The following KCNK13 variants were observed in gnomAD, a reference collection of about 807,000 sequenced individuals.
KCNK13 encodes potassium channel subfamily K member 13.
KCNK13 carries 12 observed loss-of-function variants against 23.4 expected under a neutral mutation model. That is an observed-to-expected ratio of 0.51 (90% confidence interval 0.33 to 0.83). The LOEUF (loss-of-function observed/expected upper bound fraction) is 0.83, where lower values mean the gene tolerates loss of function less well. Among genes scored for constraint, KCNK13 ranks in the 40% least tolerant of loss-of-function variants. The probability of loss-of-function intolerance (pLI) is 0.02; values close to 1 mark genes in which losing one functional copy is unlikely to be tolerated. For synonymous variants in KCNK13, 231 were observed against 229.5 expected (o/e 1.01, Z -0.06); for missense variants, 463 against 556.3 (o/e 0.83, Z 1.69).
chr14:90,102,480 T>C (rs538347019), intron 1 of KCNK13, among the ~76,000 whole-genome samples: 2 of 152,328 alleles, frequency 1.3e-5, no homozygotes, highest in East Asian at 3.9e-4. Context: ...GATTGGACTC[T>C]AGCACCCATC....
At chr14:90,126,881 T>A (rs760463476) in intron 1 of KCNK13, among the ~76,000 whole-genome samples, 38 of 152,138 alleles carry the variant, frequency 2.5e-4, no homozygotes, top group Non-Finnish European at 4.9e-4. Context: ...CAAATTCCAA[T>A]TGAGGGACAT....
intron 1 of KCNK13, among the ~76,000 whole-genome samples, chr14:90,090,384 C>T (rs1468516954): frequency 6.6e-6 from 1 of 152,208 alleles, no homozygotes; most frequent in Non-Finnish European, 1.5e-5. Context: ...TTTATTTTGG[C>T]CAGTTTCTCC....
At chr14:90,169,835 AT>A (rs939437238) in intron 1 of KCNK13, among the ~76,000 whole-genome samples, 2 of 152,212 alleles carry the variant, frequency 1.3e-5, no homozygotes. Context: ...AATTTCTAAC[AT>A]TCTGTACTTT....
chr14:90,064,221 G>A (rs1019901977), intron 1 of KCNK13, among the ~76,000 whole-genome samples: 1 of 152,160 alleles, frequency 6.6e-6, no homozygotes, highest in Admixed American at 6.5e-5. Context: ...TGACTCTACT[G>A]TGTTTGCATA....
At chr14:90,146,559 A>G (rs141766683) in intron 1 of KCNK13, among the ~76,000 whole-genome samples, 9,892 of 152,104 alleles carry the variant, frequency 0.065, 416 homozygotes, top group South Asian at 0.21. Flanking sequence ...CAGGTGATCC[A>G]CCCACCTCAG....
chr14:90,062,486 G>A lies in KCNK13; in HGVS notation c.281G>A (p.Arg94His), dbSNP rs1357692998. ...AGIRVDNVRP[R>H]WDFTGAFYFV... ...ATCCGCGTGGACAACGTCCGCCCGC[G>A]CTGGGACTTCACCGGCGCCTTCTAC... The change falls in exon 1 of 2, where the codon CGC (arginine) becomes CAC (histidine). Residue 94 changes from arginine to histidine, a missense_variant. Transcript: ENST00000282146. This position sits in a 1 kb window ranked among gnomAD's most constrained non-coding sequence, Gnocchi z 4.5. The A allele has an allele frequency of 2.6e-6, 4 of 1,543,100 alleles. No individual in the cohort carries two copies. The highest frequency in any genetic ancestry group is 2.4e-5 in the East Asian group (1 of 41,114).
intron 1 of KCNK13, among the ~76,000 whole-genome samples, chr14:90,086,368 T>C (rs1430324788): frequency 6.6e-6 from 1 of 152,192 alleles, no homozygotes; most frequent in Non-Finnish European, 1.5e-5. Context: ...GCACAGAGGT[T>C]ACATAGCTTG....
At chr14:90,103,065 A>G (rs1439625837) in intron 1 of KCNK13, among the ~76,000 whole-genome samples, 2 of 152,208 alleles carry the variant, frequency 1.3e-5, no homozygotes, top group Non-Finnish European at 2.9e-5. Context: ...TACACTTAGG[A>G]TTATGACTGC....
chr14:90,077,490 CATACTT>C (rs532332247), intron 1 of KCNK13, among the ~76,000 whole-genome samples: 20 of 152,282 alleles, frequency 1.3e-4, no homozygotes, highest in Admixed American at 1.2e-3. Flanking sequence ...TTTATCTTGT[CATACTT>C]ATTATTCTCA....
chr14:90,064,090 G>A lies in KCNK13; in HGVS notation c.334+1551G>A, dbSNP rs371019836. 5.3e-5 allele frequency among the ~76,000 whole-genome samples: 8 copies of A among 152,264 alleles called. No homozygotes were observed. In the East Asian group the frequency reaches 9.7e-4, roughly 18 times the overall value. Reference sequence around the variant, plus strand: ...CACACTATCTGCTGGACTCTTAGCCGTGTTCCACAAGCCCCTCCTCACATC... The same window carrying A: ...CACACTATCTGCTGGACTCTTAGCCATGTTCCACAAGCCCCTCCTCACATC... On this transcript the variant is annotated intron_variant, in intron 1 of 1. Transcript: ENST00000282146.
At chr14:90,122,590 A>C (rs140970548) in intron 1 of KCNK13, among the ~76,000 whole-genome samples, 17 of 152,000 alleles carry the variant, frequency 1.1e-4, no homozygotes, top group African/African-American at 3.9e-4. Context: ...TTCACCCATA[A>C]TTTGACATTG....
chr14:90,116,912 C>A (rs893655149), intron 1 of KCNK13, among the ~76,000 whole-genome samples: 3 of 152,156 alleles, frequency 2.0e-5, no homozygotes, highest in Non-Finnish European at 4.4e-5. Context: ...TTTAGAGAAT[C>A]TATTTCAAGA....
intron 1 of KCNK13, among the ~76,000 whole-genome samples, chr14:90,074,130 T>C (rs1889108787): frequency 1.3e-5 from 2 of 151,944 alleles, no homozygotes; most frequent in African/African-American, 4.8e-5. Context: ...CCACCACACC[T>C]GGCTAATTTT....
rs77031576 is a variant in KCNK13 at position 90,083,743 on chromosome 14, A to G, written c.334+21204A>G. 9.4e-4 allele frequency among the ~76,000 whole-genome samples: 143 copies of G among 152,344 alleles called. 1 individual carries two copies. The highest frequency in any genetic ancestry group is 1.7e-3 in the Admixed American group (26 of 15,308). The stretch of plus-strand genomic sequence containing the variant: ...TTGGACTTTGAAGCCTCAAAATTCT[A>G]AGAAGTAAATTTCTGTTCTTTGTAA... On this transcript the variant is annotated intron_variant, in intron 1 of 1. Transcript: ENST00000282146.
At chr14:90,107,949 G>A in intron 1 of KCNK13, 1 of 738,662 alleles carries the variant, frequency 1.4e-6, no homozygotes, top group Non-Finnish European at 2.5e-6. Flanking sequence ...ATGCAATAGA[G>A]TGGGGAACTG....
chr14:90,152,145 C>T (rs974502144), intron 1 of KCNK13, among the ~76,000 whole-genome samples: 8 of 152,184 alleles, frequency 5.3e-5, no homozygotes, highest in African/African-American at 1.9e-4. Flanking sequence ...GGGTTTTTCC[C>T]ATGCTGTTCT....
At chr14:90,143,145 A>AACTT (rs1192172869) in intron 1 of KCNK13, among the ~76,000 whole-genome samples, 4,391 of 41,942 alleles carry the variant, frequency 0.1, 92 homozygotes, top group Non-Finnish European at 0.16. Context: ...GAAGAGCAGA[A>AACTT]ACTTTCTTTC....
chr14:90,106,935 C>T (rs181253383), intron 1 of KCNK13, among the ~76,000 whole-genome samples: 1 of 151,600 alleles, frequency 6.6e-6, no homozygotes, highest in African/African-American at 2.4e-5. Context: ...GCAGGAGAAT[C>T]GCTTGAATCC....
At chr14:90,160,001 G>C (rs949793271) in intron 1 of KCNK13, among the ~76,000 whole-genome samples, 2 of 151,842 alleles carry the variant, frequency 1.3e-5, no homozygotes, top group Non-Finnish European at 2.9e-5. Flanking sequence ...AGAGGGGGTT[G>C]CAGGACAAGC....
Sources: gnomAD v4.1 joint callset for allele counts (sites outside exome capture counted in the v4.1 genomes callset) on GRCh38, gnomAD v4.1.1 for gene constraint, Gnocchi (gnomAD v3.1) non-coding constraint, MANE v1.5 for transcripts, NCBI Gene and HGNC (gene_info 2026-07-23, HGNC 2026-07-21) for gene names.